The following RBFOX1 variants were observed in gnomAD, a reference collection of about 807,000 sequenced individuals.
RBFOX1 encodes the protein RNA binding fox-1 homolog 1.
In RBFOX1, 8 loss-of-function variants were observed where a neutral mutation model predicts 57.7. That is an observed-to-expected ratio of 0.14 (90% CI 0.08 to 0.25). RBFOX1 has a LOEUF of 0.25. Ranked by LOEUF, RBFOX1 falls within the 10% of genes least tolerant of loss-of-function variation. The pLI is 1.00. For synonymous variants in RBFOX1, 326 were observed against 222.4 expected, an observed-to-expected ratio of 1.47 and a Z score of -4.15; for missense variants, 611 against 548.5, an observed-to-expected ratio of 1.11 and a Z score of -1.14.
At chr16:7,165,278 G>C (rs1001405595) in intron 4 of RBFOX1, among the ~76,000 whole-genome samples, 1 of 151,886 alleles carries the variant, frequency 6.6e-6, no homozygotes, top group Non-Finnish European at 1.5e-5. Context: ...AGGGGGCAGA[G>C]AGGGTGACAC....
intron 2 of RBFOX1, among the ~76,000 whole-genome samples, chr16:6,441,055 G>A (rs535861647): frequency 6.6e-6 from 1 of 152,188 alleles, no homozygotes; most frequent in African/African-American, 2.4e-5. Context: ...GATGTTGAGT[G>A]CACCGTCCAA....
At chr16:5,810,467 A>C (rs927950678) in intron 3 of RBFOX1, among the ~76,000 whole-genome samples, 3 of 152,210 alleles carry the variant, frequency 2.0e-5, no homozygotes, top group Non-Finnish European at 4.4e-5. Flanking sequence ...ATAAGCACCC[A>C]GCCTGGTGCT....
chr16:5,461,887 C>G (rs1360448148), intron 1 of RBFOX1, among the ~76,000 whole-genome samples: 2 of 152,136 alleles, frequency 1.3e-5, no homozygotes, highest in African/African-American at 2.4e-5. Flanking sequence ...CTCATAGAGT[C>G]TAAAGAGAAG....
intron 2 of RBFOX1, among the ~76,000 whole-genome samples, chr16:5,519,132 C>A (rs978826710): frequency 1.3e-5 from 2 of 152,176 alleles, no homozygotes; most frequent in African/African-American, 4.8e-5. Context: ...AAACTCCAAG[C>A]CTCCAGAACT....
intron 3 of RBFOX1, among the ~76,000 whole-genome samples, chr16:7,028,512 G>A (rs143501727): frequency 1.0e-3 from 151 of 145,932 alleles, no homozygotes; most frequent in African/African-American, 3.4e-3. Context: ...GCTTGAACCC[G>A]GGAGGCGGAG....
chr16:5,749,808 C>T (rs1465239077), intron 3 of RBFOX1, among the ~76,000 whole-genome samples: 3 of 152,122 alleles, frequency 2.0e-5, no homozygotes, highest in Admixed American at 6.5e-5. Context: ...GCGATGGGTT[C>T]GAACTTCCTC....
chr16:6,309,633 A>C (rs531805277), intron 1 of RBFOX1, among the ~76,000 whole-genome samples: 13 of 151,966 alleles, frequency 8.6e-5, no homozygotes, highest in African/African-American at 3.1e-4. Context: ...GAAATTAAAC[A>C]CACCAACAAT....
intron 3 of RBFOX1, among the ~76,000 whole-genome samples, chr16:5,693,317 T>C (rs2050748860): frequency 6.6e-6 from 1 of 151,964 alleles, no homozygotes; most frequent in South Asian, 2.1e-4. Flanking sequence ...AATAAAATGA[T>C]TTTTAGTTTA....
intron 3 of RBFOX1, among the ~76,000 whole-genome samples, chr16:5,661,376 G>T (rs1342775171): frequency 6.6e-6 from 1 of 152,154 alleles, no homozygotes; most frequent in African/African-American, 2.4e-5. Context: ...TGTGTGGTGT[G>T]TATATAAGCC....
intron 1 of RBFOX1, among the ~76,000 whole-genome samples, chr16:6,145,474 G>A (rs894081143): frequency 2.0e-5 from 3 of 151,940 alleles, no homozygotes; most frequent in African/African-American, 7.3e-5. Context: ...CTTTGCTATT[G>A]TGAATAGTGC....
chr16:5,950,204 C>T (rs758222385), intron 4 of RBFOX1, among the ~76,000 whole-genome samples: 1 of 152,190 alleles, frequency 6.6e-6, no homozygotes, highest in Non-Finnish European at 1.5e-5. Flanking sequence ...TAAAAAATGA[C>T]ACGGACTTTC....
intron 3 of RBFOX1, among the ~76,000 whole-genome samples, chr16:6,765,023 GAAA>G (rs201378243): frequency 1.4e-5 from 2 of 147,700 alleles, no homozygotes; most frequent in African/African-American, 4.9e-5. Flanking sequence ...AAGGTTTTCA[GAAA>G]AAAAAAAATT....
intron 4 of RBFOX1, among the ~76,000 whole-genome samples, chr16:7,204,177 A>G (rs967524720): frequency 6.6e-6 from 1 of 152,220 alleles, no homozygotes; most frequent in African/African-American, 2.4e-5. Context: ...CAGAGTAACC[A>G]TTCATTCCAA....
intron 1 of RBFOX1, among the ~76,000 whole-genome samples, chr16:6,114,552 G>A (rs1020453798): frequency 7.3e-6 from 1 of 137,490 alleles, no homozygotes; most frequent in Non-Finnish European, 1.5e-5. Context: ...AGAATCAATG[G>A]CATAAAAGTT....
At chr16:6,259,521 C>G (rs2097688765) in intron 1 of RBFOX1, among the ~76,000 whole-genome samples, 1 of 152,270 alleles carries the variant, frequency 6.6e-6, no homozygotes, top group Middle Eastern at 3.4e-3. Flanking sequence ...TCTCCTCAAA[C>G]TCACTTTGCC....
intron 4 of RBFOX1, among the ~76,000 whole-genome samples, chr16:7,267,898 G>C (rs867863359): frequency 1.3e-5 from 2 of 152,292 alleles, no homozygotes; most frequent in Admixed American, 6.5e-5. Context: ...GTTTTGTTGA[G>C]TCAGAAGCAC....
intron 3 of RBFOX1, among the ~76,000 whole-genome samples, chr16:5,685,310 C>T (rs947734279): frequency 6.6e-6 from 1 of 152,166 alleles, no homozygotes; most frequent in Non-Finnish European, 1.5e-5. Context: ...ATACCTCTCC[C>T]ACCTGGACCT....
intron 2 of RBFOX1, among the ~76,000 whole-genome samples, chr16:5,485,398 A>T (rs1391360321): frequency 2.0e-5 from 3 of 150,492 alleles, no homozygotes; most frequent in Non-Finnish European, 4.4e-5. Context: ...ACTCAACGGA[A>T]TAGGACTCTC....
chr16:6,831,367 T>C (rs2092697314), intron 3 of RBFOX1, among the ~76,000 whole-genome samples: 1 of 152,202 alleles, frequency 6.6e-6, no homozygotes, highest in African/African-American at 2.4e-5. Flanking sequence ...TTCTAGATTT[T>C]ACTGAGTTAA....
Sources: allele counts gnomAD v4.1 joint callset (sites outside exome capture counted in the v4.1 genomes callset), GRCh38; gene constraint gnomAD v4.1.1; transcripts MANE v1.5; gene names NCBI Gene and HGNC (gene_info 2026-07-23, HGNC 2026-07-21).